The following CDC7 variants were observed in gnomAD, a reference collection of about 807,000 sequenced individuals.
The protein encoded by CDC7 is cell division cycle 7-related protein kinase.
CDC7 carries 34 observed loss-of-function variants against 53.5 expected under a neutral mutation model. That is an observed-to-expected ratio of 0.64 (90% CI 0.48 to 0.85). The LOEUF is 0.85. Among genes scored for constraint, CDC7 ranks in the 40% least tolerant of loss-of-function variants. The pLI, the probability that CDC7 is intolerant of heterozygous loss-of-function variation, is 0.00. For missense variants in CDC7, 594 were observed against 679.7 expected, an observed-to-expected ratio of 0.87 and a Z score of 1.40; for synonymous variants, 211 against 222.8, an observed-to-expected ratio of 0.95 and a Z score of 0.47.
At chr1:91,520,098 A>G (rs777682465) in intron 10 of CDC7, 32 bp from the exon 11 acceptor site, 8 of 1,524,358 alleles carry the variant, frequency 5.2e-6, no homozygotes, top group Non-Finnish European at 7.1e-6. Context: ...ATAGATTTGA[A>G]ATTTATTTTT....
At chr1:91,505,590 T>A (rs1185437859) in intron 2 of CDC7, among the ~76,000 whole-genome samples, 1 of 152,212 alleles carries the variant, frequency 6.6e-6, no homozygotes, top group Non-Finnish European at 1.5e-5. Flanking sequence ...ATTTAAATAA[T>A]TTTTAGCATA....
chr1:91,515,045 G>GA, intron 9 of CDC7, 48 bp downstream of exon 9: 1 of 1,531,584 alleles, frequency 6.5e-7, no homozygotes, highest in Non-Finnish European at 9.0e-7. Context: ...GCTGCCATTA[G>GA]AAATTGCATT....
At chr1:91,523,863 T>C (rs2102413182) in intron 11 of CDC7, among the ~76,000 whole-genome samples, 178 bp from the exon 12 acceptor site, 1 of 150,964 alleles carries the variant, frequency 6.6e-6, no homozygotes, top group Non-Finnish European at 1.5e-5. Context: ...CAAATACAAC[T>C]TAAATATAGC....
At chr1:91,508,567 A>G (rs1667109883) in intron 4 of CDC7, among the ~76,000 whole-genome samples, 170 bp downstream of exon 4, 1 of 152,188 alleles carries the variant, frequency 6.6e-6, no homozygotes, top group Non-Finnish European at 1.5e-5. Flanking sequence ...AGTTAAATTT[A>G]TAGTAATTCT....
At chr1:91,505,946 T>C (rs1031760720) in intron 2 of CDC7, among the ~76,000 whole-genome samples, 2 of 152,224 alleles carry the variant, frequency 1.3e-5, no homozygotes, top group Non-Finnish European at 2.9e-5. Flanking sequence ...AAAAACTTCC[T>C]ATAGCTTTCA....
chr1:91,512,662 T>C (rs1667345624), intron 6 of CDC7, among the ~76,000 whole-genome samples: 2 of 152,216 alleles, frequency 1.3e-5, no homozygotes, highest in South Asian at 4.1e-4. Context: ...TGCCTGACTT[T>C]TTAATTTTCT....
rs766268800 is a variant in CDC7, at chr1:91,504,972, T to C, written c.116-2882T>C. On this transcript the variant is annotated intron_variant, in intron 2 of 11. Coordinates refer to ENST00000234626, the MANE Select transcript of CDC7 (RefSeq NM_003503.4). Reference sequence around the variant, plus strand: ...GAGAGTAAACAAAAGAAGTAAATACTGTGCTCAAAAGTGATTAATGTTACT... The same window carrying C: ...GAGAGTAAACAAAAGAAGTAAATACCGTGCTCAAAAGTGATTAATGTTACT... 8.9e-4 allele frequency among the ~76,000 whole-genome samples: 136 copies of C among 152,330 alleles called. 1 individual carries two copies. Among genetic ancestry groups the C allele is most frequent in the Middle Eastern group, 6.8e-3 (2 of 294 alleles).
At chr1:91,505,415 A>C (rs191320749) in intron 2 of CDC7, among the ~76,000 whole-genome samples, 1 of 152,304 alleles carries the variant, frequency 6.6e-6, no homozygotes, top group East Asian at 1.9e-4. Flanking sequence ...CTATGTTGCA[A>C]GCCGACTGGC....
At position 91,511,597 on chromosome 1, in the gene CDC7, G is replaced by T; in HGVS notation, c.336G>T (p.Gly112=). 4.4e-6 allele frequency: 7 copies of T among 1,578,812 alleles called. No individual in the cohort carries two copies. The highest frequency in any genetic ancestry group is 6.1e-6 in the Non-Finnish European group (7 of 1,154,656). ...AAELQCLTVA[G]GQDNVMGVKY... is the part of the protein sequence containing the mutation. The stretch of plus-strand genomic sequence containing the variant: ...AGTTCCTTGTGCATTTTTCCACTAG[G>T]GGGCAAGATAATGTCATGGGAGTTA... The change falls in exon 5 of 12, where the codon GGG becomes GGT. Residue 112 remains glycine (G), a splice_region_variant and synonymous_variant. Coordinates refer to ENST00000234626, the MANE Select transcript of CDC7 (RefSeq NM_003503.4).
intron 11 of CDC7, among the ~76,000 whole-genome samples, chr1:91,523,580 G>T (rs764850143): frequency 2.0e-5 from 3 of 152,142 alleles, no homozygotes; most frequent in Non-Finnish European, 4.4e-5. Context: ...AGCCTCAGAG[G>T]TGATTCTTGA....
rs764186180 is a variant in CDC7 at position 91,513,038 on chromosome 1, T to C, written c.573-20T>C. ...TTTAATTGCTACAGATAAGTAAAAA[T>C]GCTTAATTTTGTCTCTTAGGTATGC... On this transcript the variant is annotated intron_variant, in intron 6 of 11. Coordinates refer to ENST00000234626, the MANE Select transcript of CDC7 (RefSeq NM_003503.4). 1.6e-5 allele frequency: 26 copies of C among 1,607,468 alleles called. No individual in the cohort carries two copies. The East Asian group carries it at 5.8e-4, about 36-fold the overall frequency.
intron 10 of CDC7, among the ~76,000 whole-genome samples, chr1:91,518,244 A>G (rs1025253293): frequency 6.6e-6 from 1 of 152,074 alleles, no homozygotes; most frequent in African/African-American, 2.4e-5. Context: ...AGCTAGTCGT[A>G]ATCTTTAACT....
At chr1:91,523,628 C>G (rs193106739) in intron 11 of CDC7, among the ~76,000 whole-genome samples, 64 of 152,166 alleles carry the variant, frequency 4.2e-4, no homozygotes, top group African/African-American at 1.5e-3. Context: ...CCTGGGCACA[C>G]AAGGGGTGCA....
Position 91,524,192 on chromosome 1 carries a change from C to T in CDC7, c.1482C>T (p.Asp494=). Residue 494 remains aspartate, a synonymous_variant, in exon 12 of 12, where the codon GAC becomes GAT. Transcript: ENST00000234626. ...AACCAGCTATTTCAGAGAAGACTGA[C>T]CATAAAGCTTCTTGCCTCGTTCAAA... is the stretch of plus-strand genomic sequence containing the variant. ...SHQPAISEKT[D]HKASCLVQTP... is the part of the protein sequence containing the mutation. The T allele has an allele frequency of 6.2e-7, 1 of 1,613,956 alleles. No individual in the cohort carries two copies. The highest frequency in any genetic ancestry group is 8.5e-7 in the Non-Finnish European group (1 of 1,179,928).
At chr1:91,522,259 T>C (rs1174100291) in intron 11 of CDC7, among the ~76,000 whole-genome samples, 1 of 152,232 alleles carries the variant, frequency 6.6e-6, no homozygotes, top group Non-Finnish European at 1.5e-5. Context: ...ACTATAACTT[T>C]GGACTGAGTA....
intron 10 of CDC7, 70 bp from the exon 11 acceptor site, chr1:91,520,060 G>A (rs1667845694): frequency 1.6e-6 from 2 of 1,233,108 alleles, no homozygotes; most frequent in Non-Finnish European, 2.2e-6. Flanking sequence ...AATAAATGTT[G>A]AGGACTATTG....
intron 10 of CDC7, among the ~76,000 whole-genome samples, 188 bp from the exon 11 acceptor site, chr1:91,519,942 A>T (rs1314115400): frequency 6.6e-6 from 1 of 152,214 alleles, no homozygotes; most frequent in Admixed American, 6.5e-5. Flanking sequence ...CACCTGAGGA[A>T]CTTTTTTAAA....
rs1159590412 is a variant in CDC7, at chr1:91,524,729, A to C, written c.*294A>C. 1 of 266,662 alleles carries C rather than the reference A, an allele frequency of 3.8e-6. No individual in the cohort carries two copies. Among genetic ancestry groups the C allele is most frequent in the Non-Finnish European group, 7.0e-6 (1 of 143,054 alleles). 16.5% of individuals were successfully genotyped at this position (266,662 alleles called of 1,614,324 possible). A position where few individuals can be genotyped will look rare whatever the true frequency, so the allele number is the denominator to read the frequency against. On this transcript the variant is annotated 3_prime_UTR_variant, in exon 12 of 12. Transcript: ENST00000234626. ...AATTACCTTTCACTGACATATACAG[A>C]AAAAGGAGCAGTTTTAGTTTTAATT... is the stretch of plus-strand genomic sequence containing the variant.
intron 11 of CDC7, among the ~76,000 whole-genome samples, chr1:91,521,981 G>A (rs759361253): frequency 1.3e-4 from 19 of 151,814 alleles, no homozygotes; most frequent in Non-Finnish European, 2.2e-4. Context: ...CCTGGCCAAC[G>A]TGGTGAAACC....
Sources: allele counts gnomAD v4.1 joint callset (sites outside exome capture counted in the v4.1 genomes callset), GRCh38; gene constraint gnomAD v4.1.1; transcripts MANE v1.5; gene names NCBI Gene and HGNC (gene_info 2026-07-23, HGNC 2026-07-21).